NALCN: variants seen among roughly 807,000 people sequenced by gnomAD.
NALCN encodes sodium leak channel, non-selective.
NALCN carries 111 observed loss-of-function variants against 225.3 expected under a neutral mutation model. The ratio of observed to expected loss-of-function variants is 0.49; its 90% CI spans 0.42 to 0.58. The LOEUF (loss-of-function observed/expected upper bound fraction) is 0.58, where lower values mean the gene tolerates loss of function less well. NALCN is among the 20% of genes least tolerant of loss of function. The probability of loss-of-function intolerance (pLI) is 0.00; values close to 1 mark genes in which losing one functional copy is unlikely to be tolerated. For missense variants in NALCN, 1,378 were observed against 2,202.4 expected, an observed-to-expected ratio of 0.63 and a Z score of 7.49; for synonymous variants, 764 against 769.0, an observed-to-expected ratio of 0.99 and a Z score of 0.11.
chr13:101,335,583 G>T (rs1015655926), intron 7 of NALCN, among the ~76,000 whole-genome samples: 3 of 152,052 alleles, frequency 2.0e-5, no homozygotes, highest in African/African-American at 7.2e-5. Flanking sequence ...CATAGATGAA[G>T]CCCTTTTAGT....
At chr13:101,382,997 A>T (rs2139441287) in intron 3 of NALCN, among the ~76,000 whole-genome samples, 1 of 152,340 alleles carries the variant, frequency 6.6e-6, no homozygotes, top group Non-Finnish European at 1.5e-5. Flanking sequence ...AGAGTCATTC[A>T]ATATTCATAA....
chr13:101,352,327 G>A (rs1283193636), intron 6 of NALCN, among the ~76,000 whole-genome samples: 2 of 152,146 alleles, frequency 1.3e-5, no homozygotes, highest in African/African-American at 2.4e-5. Flanking sequence ...GGAAAACCTT[G>A]CAATAGGGTG....
intron 10 of NALCN, among the ~76,000 whole-genome samples, chr13:101,260,991 A>C (rs1566499449): frequency 6.6e-6 from 1 of 152,098 alleles, no homozygotes; most frequent in Non-Finnish European, 1.5e-5. Context: ...TTCTTGTAGT[A>C]ATTTCATAGT....
intron 6 of NALCN, among the ~76,000 whole-genome samples, chr13:101,346,057 T>TCTCTCTCTCTCTCTCTCTCTCTCTCTC (rs2045717331): frequency 1.3e-5 from 1 of 75,566 alleles, no homozygotes; most frequent in Non-Finnish European, 2.5e-5. Flanking sequence ...TTGAGAGACT[T>TCTCTCTCTCTCTCTCTCTCTCTCTCTC]TCTCTCTCTC....
chr13:101,334,459 T>TGAATACA (rs2045307470), intron 7 of NALCN, among the ~76,000 whole-genome samples: 2 of 152,040 alleles, frequency 1.3e-5, no homozygotes, highest in South Asian at 4.1e-4. Context: ...AAGAATGGGA[T>TGAATACA]GAATACATAC....
chr13:101,338,045 G>A (rs2045438711), intron 7 of NALCN, among the ~76,000 whole-genome samples: 1 of 152,154 alleles, frequency 6.6e-6, no homozygotes, highest in Non-Finnish European at 1.5e-5. Context: ...ATCGATAAAT[G>A]ATACCAACAG....
At chr13:101,148,889 T>G (rs192493822) in intron 15 of NALCN, among the ~76,000 whole-genome samples, 19 of 152,244 alleles carry the variant, frequency 1.2e-4, no homozygotes, top group African/African-American at 3.6e-4. Flanking sequence ...GTGTGGAGTA[T>G]GCGTGTCCTT....
chr13:101,272,052 C>T (rs978180872), intron 10 of NALCN, among the ~76,000 whole-genome samples: 4 of 150,392 alleles, frequency 2.7e-5, no homozygotes, highest in African/African-American at 9.8e-5. Flanking sequence ...TGTGAGCGTG[C>T]ATGAGCATGT....
chr13:101,309,811 T>C (rs1025573062), intron 7 of NALCN, among the ~76,000 whole-genome samples: 1 of 152,220 alleles, frequency 6.6e-6, no homozygotes, highest in Non-Finnish European at 1.5e-5. Flanking sequence ...TATTCAATCA[T>C]GTTTTCTGTT....
At position 101,355,075 on chromosome 13, in the gene NALCN, C is replaced by G. The variant is rs77827445; in HGVS notation, c.645-9655G>C. On this transcript the variant is annotated intron_variant, in intron 6 of 43. Transcript: ENST00000251127. ...AGGGCACCTCCCCTCCACTATCTCT[C>G]TCTCGTGTTCATTCTTGTCACGTGA... 7.3e-3 allele frequency among the ~76,000 whole-genome samples: 1,108 copies of G among 151,476 alleles called. 14 individuals carry two copies. The highest frequency in any genetic ancestry group is 0.026 in the African/African-American group (1,049 of 40,826).
chr13:101,206,328 T>C (rs1445147870), intron 13 of NALCN, among the ~76,000 whole-genome samples: 1 of 152,094 alleles, frequency 6.6e-6, no homozygotes, highest in African/African-American at 2.4e-5. Context: ...TGTGGTCTTT[T>C]GCAGATATAA....
chr13:101,145,449 T>C (rs2139799177), intron 15 of NALCN, among the ~76,000 whole-genome samples: 1 of 152,356 alleles, frequency 6.6e-6, no homozygotes, highest in African/African-American at 2.4e-5. Context: ...TCCATTTGGC[T>C]GCAAACATGC....
chr13:101,076,727 G>A (rs891397706), intron 34 of NALCN, among the ~76,000 whole-genome samples: 13 of 152,268 alleles, frequency 8.5e-5, no homozygotes, highest in Middle Eastern at 3.4e-3. Flanking sequence ...TGCAAAATAC[G>A]GTGGAGAATG....
intron 30 of NALCN, among the ~76,000 whole-genome samples, chr13:101,088,525 A>G (rs597157): frequency 0.047 from 7,113 of 152,236 alleles, 531 homozygotes; most frequent in African/African-American, 0.16. Flanking sequence ...GGCCCTGTTT[A>G]TCACACCTTA....
At chr13:101,078,380 G>T (rs2033397275) in intron 34 of NALCN, among the ~76,000 whole-genome samples, 1 of 152,138 alleles carries the variant, frequency 6.6e-6, no homozygotes, top group Non-Finnish European at 1.5e-5. Context: ...AGTCCAGGAG[G>T]GGGTCTGTAC....
intron 10 of NALCN, among the ~76,000 whole-genome samples, chr13:101,271,565 A>C (rs567944179): frequency 6.6e-6 from 1 of 152,104 alleles, no homozygotes; most frequent in East Asian, 1.9e-4. Flanking sequence ...CAGTTGTTTT[A>C]TATTCCCCTG....
At chr13:101,337,651 C>A (rs2045424890) in intron 7 of NALCN, among the ~76,000 whole-genome samples, 1 of 152,156 alleles carries the variant, frequency 6.6e-6, no homozygotes, top group Admixed American at 6.6e-5. Context: ...GACTTCAGGA[C>A]AAGAGGGAGG....
At chr13:101,348,676 T>C (rs996068822) in intron 6 of NALCN, among the ~76,000 whole-genome samples, 32 of 152,162 alleles carry the variant, frequency 2.1e-4, no homozygotes, top group African/African-American at 7.7e-4. Context: ...TTTTCTTTCA[T>C]ATTAGTGCTG....
chr13:101,204,099 A>T (rs990073760), intron 13 of NALCN, among the ~76,000 whole-genome samples: 1 of 152,232 alleles, frequency 6.6e-6, no homozygotes, highest in Non-Finnish European at 1.5e-5. Context: ...TGACTTTTAA[A>T]TGATAAAGAT....
Sources: gnomAD v4.1 joint callset for allele counts (sites outside exome capture counted in the v4.1 genomes callset) on GRCh38, gnomAD v4.1.1 for gene constraint, MANE v1.5 for transcripts, NCBI Gene and HGNC (gene_info 2026-07-23, HGNC 2026-07-21) for gene names.